Variants in UBE2J1 observed in about 807,000 individuals in gnomAD.
The protein encoded by UBE2J1 is ubiquitin-conjugating enzyme E2 J1.
UBE2J1 carries 17 observed loss-of-function variants against 42.1 expected under a neutral mutation model. That is an observed-to-expected ratio of 0.40 (90% CI 0.28 to 0.61). The LOEUF (loss-of-function observed/expected upper bound fraction) is 0.61, where lower values mean the gene tolerates loss of function less well. Ranked by LOEUF, UBE2J1 falls within the 20% of genes least tolerant of loss-of-function variation. The pLI, the probability that UBE2J1 is intolerant of heterozygous loss-of-function variation, is 0.38. For synonymous variants in UBE2J1, 127 were observed against 137.2 expected, an observed-to-expected ratio of 0.93 and a Z score of 0.52; for missense variants, 291 against 389.4, an observed-to-expected ratio of 0.75 and a Z score of 2.13.
At chr6:89,347,646 T>G (rs1445716462) in intron 1 of UBE2J1, among the ~76,000 whole-genome samples, 1 of 152,254 alleles carries the variant, frequency 6.6e-6, no homozygotes, top group Non-Finnish European at 1.5e-5. Context: ...GCTAAGGTCA[T>G]GTAGCCAAAA....
chr6:89,333,400 A>T (rs1042752276), intron 6 of UBE2J1, among the ~76,000 whole-genome samples, 195 bp from the exon 7 acceptor site: 14 of 152,294 alleles, frequency 9.2e-5, no homozygotes, highest in East Asian at 1.9e-4. Context: ...CATACACAAC[A>T]CCTGTTCTCA....
chr6:89,343,631 A>T (rs1768301312), intron 2 of UBE2J1, 52 bp downstream of exon 2: 1 of 1,428,806 alleles, frequency 7.0e-7, no homozygotes, highest in Middle Eastern at 1.8e-4. Flanking sequence ...ATTTTAAAAA[A>T]TTTGTTTTAA....
Position 89,349,130 on chromosome 6 carries a change from G to A in UBE2J1, c.31+3409C>T, listed in dbSNP as rs921002629. Among the ~76,000 whole-genome samples, 7 of 152,056 alleles carry A rather than the reference G, an allele frequency of 4.6e-5. No homozygotes were observed. In the East Asian group the frequency reaches 1.2e-3, roughly 25 times the overall value. On this transcript the variant is annotated intron_variant, in intron 1 of 7. Transcript: ENST00000435041. ...CACACACCTGTGGTCCCTGCTACTC[G>A]GGAGGCAGAGGTGGAAGAATCACTT...
Position 89,352,710 on chromosome 6 carries a change from C to T in UBE2J1, c.-141G>A. Reference sequence around the variant, plus strand: ...CAAATGCCGCCCAGTCCAGCCTGGACTGCGGGCGGGGTGGCAAGGCTGAGT... The same window carrying T: ...CAAATGCCGCCCAGTCCAGCCTGGATTGCGGGCGGGGTGGCAAGGCTGAGT... On this transcript the variant is annotated 5_prime_UTR_variant, in exon 1 of 8. Coordinates refer to ENST00000435041, the MANE Select transcript of UBE2J1 (RefSeq NM_016021.3). 2.1e-6 allele frequency: 2 copies of T among 958,630 alleles called. No homozygotes were observed. Among genetic ancestry groups the T allele is most frequent in the Non-Finnish European group, 2.8e-6 (2 of 703,756 alleles). 59.4% of individuals were successfully genotyped at this position (958,630 alleles called of 1,614,324 possible).
In UBE2J1 at chr6:89,329,451, G is replaced by T; in HGVS notation, c.*228C>A. The T allele has an allele frequency of 1.9e-6, 1 of 530,164 alleles. No individual in the cohort carries two copies. Among genetic ancestry groups the T allele is most frequent in the South Asian group, 2.5e-5 (1 of 39,822 alleles). The allele number at this position is 530,164 out of a possible 1,614,324, so 32.8% of individuals were successfully genotyped here. A position where few individuals can be genotyped will look rare whatever the true frequency, so the allele number is the denominator to read the frequency against. Reference sequence around the variant, plus strand: ...AAACAAGTTATTTCCCTGCAAAGCAGATCAAATAGTGAGACAAGGAACTTT... The same window carrying T: ...AAACAAGTTATTTCCCTGCAAAGCATATCAAATAGTGAGACAAGGAACTTT... On this transcript the variant is annotated 3_prime_UTR_variant, in exon 8 of 8. Transcript: ENST00000435041.
At chr6:89,335,263 G>A in intron 6 of UBE2J1, 39 bp downstream of exon 6, 1 of 1,528,142 alleles carries the variant, frequency 6.5e-7, no homozygotes, top group East Asian at 2.3e-5. Flanking sequence ...GTAAACAAAA[G>A]GGTTGCAAGA....
Position 89,338,195 on chromosome 6 carries a change from C to G in UBE2J1, c.428+10G>C, listed in dbSNP as rs187548550. 1,196 of 1,604,076 alleles carry G rather than the reference C, an allele frequency of 7.5e-4. 16 individuals are homozygous for G. The Admixed American group carries it at 0.019, about 26-fold the overall frequency. ...TTCAGACCTCAAGAAGAATGAAATG[C>G]AAAACTTACTTTTTGGCAAGTGCTC... On this transcript the variant is annotated intron_variant, in intron 5 of 7. Transcript: ENST00000435041.
At chr6:89,345,516 C>A (rs1054697086) in intron 1 of UBE2J1, among the ~76,000 whole-genome samples, 6 of 152,104 alleles carry the variant, frequency 3.9e-5, no homozygotes, top group Non-Finnish European at 7.4e-5. Flanking sequence ...GCAGGAGAAT[C>A]GCTTGCACCC....
intron 6 of UBE2J1, among the ~76,000 whole-genome samples, chr6:89,333,742 A>G (rs1768051201): frequency 1.3e-5 from 2 of 152,168 alleles, no homozygotes; most frequent in South Asian, 2.1e-4. Context: ...TGGTCCTGAG[A>G]TTTTTCAGAA....
intron 1 of UBE2J1, among the ~76,000 whole-genome samples, chr6:89,346,200 C>T (rs186383719): frequency 6.6e-6 from 1 of 152,190 alleles, no homozygotes; most frequent in East Asian, 1.9e-4. Context: ...TACTATCCTA[C>T]TTCACAATTA....
intron 1 of UBE2J1, among the ~76,000 whole-genome samples, chr6:89,348,509 G>A (rs1022613023): frequency 6.6e-6 from 1 of 152,192 alleles, no homozygotes; most frequent in African/African-American, 2.4e-5. Context: ...ATTAAGGAAG[G>A]CATGCTCCCT....
chr6:89,338,682 T>TTTTTTTTTG (rs1768164058), intron 3 of UBE2J1, 139 bp from the exon 4 acceptor site: 1 of 246,966 alleles, frequency 4.0e-6, no homozygotes, highest in Admixed American at 6.3e-5. Flanking sequence ...TTTTTTTTTT[T>TTTTTTTTTG]TGAGATGGAG....
chr6:89,339,299 A>G (rs1175716750), intron 3 of UBE2J1, among the ~76,000 whole-genome samples: 1 of 148,014 alleles, frequency 6.8e-6, no homozygotes, highest in African/African-American at 2.5e-5. Flanking sequence ...GAGTGGTGGC[A>G]TGTGCCTCTA....
At chr6:89,332,896 AAAG>A (rs1768035822) in intron 7 of UBE2J1, among the ~76,000 whole-genome samples, 187 bp downstream of exon 7, 1 of 152,238 alleles carries the variant, frequency 6.6e-6, no homozygotes, top group Non-Finnish European at 1.5e-5. Flanking sequence ...TTTAACAAAA[AAAG>A]AAAACTGAGG....
At chr6:89,338,341 T>C (rs2127865576) in intron 4 of UBE2J1, 31 bp from the exon 5 acceptor site, 3 of 1,601,482 alleles carry the variant, frequency 1.9e-6, no homozygotes, top group Middle Eastern at 1.7e-4. Flanking sequence ...TCAATCTAAA[T>C]TGCTTTGTAA....
chr6:89,334,479 T>A (rs915724190), intron 6 of UBE2J1, among the ~76,000 whole-genome samples: 1 of 151,102 alleles, frequency 6.6e-6, no homozygotes, highest in African/African-American at 2.4e-5. Context: ...TTTTTCTTTT[T>A]TTTTTTTTTG....
chr6:89,346,176 C>CA (rs200384873), intron 1 of UBE2J1, among the ~76,000 whole-genome samples: 10 of 151,480 alleles, frequency 6.6e-5, no homozygotes, highest in African/African-American at 1.7e-4. Flanking sequence ...CATGCCTGGC[C>CA]AAAAAAAAGT....
chr6:89,351,562 T>G (rs1310020042), intron 1 of UBE2J1, among the ~76,000 whole-genome samples: 1 of 152,190 alleles, frequency 6.6e-6, no homozygotes, highest in Non-Finnish European at 1.5e-5. Flanking sequence ...CAGTGTCAAC[T>G]CTTTCCACAA....
In UBE2J1 at chr6:89,327,745, G is replaced by A. The variant is rs1767935185; in HGVS notation, c.*1934C>T. The A allele has an allele frequency of 1.3e-5, 2 of 152,132 alleles. No homozygotes were observed. Among genetic ancestry groups the A allele is most frequent in the Admixed American group, 1.3e-4 (2 of 15,244 alleles). 9.4% of individuals were successfully genotyped at this position (152,132 alleles called of 1,614,324 possible). ...TGGAAACATGCAATAAGATCACATC[G>A]ATCCAGAGGCTGGCTCAAGTTTGAC... On this transcript the variant is annotated 3_prime_UTR_variant, in exon 8 of 8. Transcript: ENST00000435041.
Sources: gnomAD v4.1 joint callset for allele counts (sites outside exome capture counted in the v4.1 genomes callset) on GRCh38, gnomAD v4.1.1 for gene constraint, MANE v1.5 for transcripts, NCBI Gene and HGNC (gene_info 2026-07-23, HGNC 2026-07-21) for gene names.